Variants in OVCH1 observed in about 807,000 individuals in gnomAD.
The protein encoded by OVCH1 is ovochymase-1.
In OVCH1, 139 loss-of-function variants were observed where a neutral mutation model predicts 138.4. The ratio of observed to expected loss-of-function variants is 1.00; its 90% CI spans 0.87 to 1.16. The LOEUF is 1.16. OVCH1 is among the 50% of genes most tolerant of loss of function. The pLI is 0.00. For missense variants in OVCH1, 1,367 were observed against 1,357.9 expected (o/e 1.01, Z -0.11); for synonymous variants, 453 against 467.8 (o/e 0.97, Z 0.41).
chr12:29,447,019 G>C (rs1018254801), intron 22 of OVCH1, among the ~76,000 whole-genome samples: 6 of 151,728 alleles, frequency 4.0e-5, no homozygotes, highest in Non-Finnish European at 8.8e-5. Flanking sequence ...AATGACAAAG[G>C]AAAGCATTAA....
Position 29,413,499 on chromosome 12 carries a change from G to A in OVCH1, c.*72-774C>T, listed in dbSNP as rs543020047. On this transcript the variant is annotated intron_variant and NMD_transcript_variant, in intron 3 of 4. Coordinates refer to the OVCH1 transcript ENST00000539117. ...ATTTGCAGTACTTTAAACTTTTCAA[G>A]TATTTTTATATCTAATACATATTTT... is the stretch of plus-strand genomic sequence containing the variant. 1.3e-4 allele frequency among the ~76,000 whole-genome samples: 20 copies of A among 152,222 alleles called. No homozygotes were observed. The South Asian group carries it at 4.1e-3, about 32-fold the overall frequency.
chr12:29,451,304 C>G lies in OVCH1; in HGVS notation c.2755+41G>C, dbSNP rs773672975. The G allele has an allele frequency of 4.6e-6, 7 of 1,534,500 alleles. No individual in the cohort carries two copies. The East Asian group carries it at 1.1e-4, about 25-fold the overall frequency. ...CTGATCATAAGCTGCCTACATGGAC[C>G]AAGACTCCTAGCACGAAGTTTATAT... On this transcript the variant is annotated intron_variant, in intron 22 of 27. Coordinates refer to ENST00000318184, the Ensembl canonical transcript of OVCH1.
intron 3 of OVCH1, among the ~76,000 whole-genome samples, chr12:29,421,545 A>G (rs1344380520): frequency 6.6e-6 from 1 of 152,194 alleles, no homozygotes; most frequent in Non-Finnish European, 1.5e-5. Context: ...ATTGCATCTA[A>G]TCATGAAATT....
chr12:29,479,729 C>A (rs571394762), intron 8 of OVCH1, among the ~76,000 whole-genome samples: 2 of 151,914 alleles, frequency 1.3e-5, no homozygotes, highest in Non-Finnish European at 2.9e-5. Flanking sequence ...TAAGGACTTT[C>A]GGAATTAGTC....
At chr12:29,459,071 A>G (rs1942045496) in intron 19 of OVCH1, among the ~76,000 whole-genome samples, 1 of 152,240 alleles carries the variant, frequency 6.6e-6, no homozygotes, top group African/African-American at 2.4e-5. Flanking sequence ...TATACAGAAT[A>G]GTGTGGACAT....
intron 4 of OVCH1, among the ~76,000 whole-genome samples, chr12:29,492,073 AAT>A (rs1555156608): frequency 6.6e-6 from 1 of 152,188 alleles, no homozygotes; most frequent in Non-Finnish European, 1.5e-5. Context: ...GCTATGGAAA[AAT>A]AATAGGATAA....
At chr12:29,449,404 C>T (rs1331713664) in intron 22 of OVCH1, among the ~76,000 whole-genome samples, 2 of 151,498 alleles carry the variant, frequency 1.3e-5, no homozygotes, top group South Asian at 2.1e-4. Context: ...TGAAGAAAGC[C>T]GATGGTAGCT....
intron 22 of OVCH1, among the ~76,000 whole-genome samples, chr12:29,448,358 T>C (rs941367862): frequency 6.6e-6 from 1 of 151,416 alleles, no homozygotes; most frequent in African/African-American, 2.4e-5. Context: ...AGATAATAAG[T>C]GCTCTAAGAA....
At chr12:29,486,972 A>C (rs1042583109) in intron 7 of OVCH1, 1 of 455,204 alleles carries the variant, frequency 2.2e-6, no homozygotes, top group African/African-American at 2.0e-5. Flanking sequence ...TCTAAGACCA[A>C]AGGAGAGTCT....
intron 3 of OVCH1, among the ~76,000 whole-genome samples, chr12:29,413,415 A>G (rs1592020097): frequency 6.6e-6 from 1 of 152,280 alleles, no homozygotes; most frequent in African/African-American, 2.4e-5. Flanking sequence ...ATGACAGTGG[A>G]GAAAATATAA....
In OVCH1 at chr12:29,491,866, G is replaced by A. The variant is rs149105001; in HGVS notation, c.455-674C>T. Among the ~76,000 whole-genome samples, 71 of 152,234 alleles carry A rather than the reference G, an allele frequency of 4.7e-4. No individual in the cohort carries two copies. In the East Asian group the frequency reaches 0.013, roughly 27 times the overall value. On this transcript the variant is annotated intron_variant, in intron 4 of 27. Transcript: ENST00000318184. The stretch of plus-strand genomic sequence containing the variant: ...TCTTGATTTCTCAACAGCAGTAAGC[G>A]AATGTTAGAAGACAGTAGAACAAGA...
At chr12:29,475,071 A>C in exon 14 of OVCH1, 1 of 1,586,112 alleles carries the variant, frequency 6.3e-7, no homozygotes, top group South Asian at 1.1e-5. Flanking sequence ...CTGAGGGCAA[A>C]ATGGTAAATC....
chr12:29,493,871 T>G (rs1031183334), intron 4 of OVCH1, among the ~76,000 whole-genome samples: 1 of 152,260 alleles, frequency 6.6e-6, no homozygotes, highest in Non-Finnish European at 1.5e-5. Context: ...TGCATGTTTC[T>G]GTGCTCGAAT....
rs1941554803 is a variant in OVCH1, at chr12:29,444,128, A to T, written c.3017+17T>A. The stretch of plus-strand genomic sequence containing the variant: ...TTCCACACACTTCTTCCATTATAAT[A>T]ATCATGACTTCCTTACCCCATAGTA... On this transcript the variant is annotated intron_variant, in intron 24 of 27. Transcript: ENST00000318184. 1 of 1,578,994 alleles carries T rather than the reference A, an allele frequency of 6.3e-7. No individual in the cohort carries two copies. Among genetic ancestry groups the T allele is most frequent in the African/African-American group, 1.4e-5 (1 of 72,936 alleles).
At chr12:29,425,637 ACTTG>A (rs1438545266), downstream of OVCH1, among the ~76,000 whole-genome samples, 1 of 152,170 alleles carries the variant, frequency 6.6e-6, no homozygotes, top group Non-Finnish European at 1.5e-5. Context: ...CAGTTTTGTG[ACTTG>A]CTTGTCTCAT....
In OVCH1 at chr12:29,476,769, A is replaced by ATG. The variant is rs1565600638; in HGVS notation, c.1377+332_1377+333insCA. Among the ~76,000 whole-genome samples, 5 of 84,012 alleles carry ATG rather than the reference A, an allele frequency of 6.0e-5. No individual in the cohort carries two copies. In the East Asian group the frequency reaches 1.0e-3, roughly 17 times the overall value. 55.1% of individuals were successfully genotyped at this position (84,012 alleles called of 152,430 possible). On this transcript the variant is annotated intron_variant, in intron 12 of 27. Coordinates refer to ENST00000318184, the Ensembl canonical transcript of OVCH1. ...TACACACGCGCGCACACACACACAC[A>ATG]CACACACACACACACACACACACAC...
intron 27 of OVCH1, among the ~76,000 whole-genome samples, chr12:29,432,510 A>G (rs1941286934): frequency 6.6e-6 from 1 of 152,158 alleles, no homozygotes; most frequent in Non-Finnish European, 1.5e-5. Context: ...GCTTGGAGGC[A>G]GGGGTAGGAA....
chr12:29,407,573 C>G (rs1401163893), downstream of OVCH1, among the ~76,000 whole-genome samples: 1 of 150,910 alleles, frequency 6.6e-6, no homozygotes, highest in African/African-American at 2.4e-5. Context: ...AATCCGTTCC[C>G]CATTGCTTGT....
chr12:29,420,985 GT>G (rs1462840100), intron 3 of OVCH1, among the ~76,000 whole-genome samples: 1 of 152,242 alleles, frequency 6.6e-6, no homozygotes, highest in Non-Finnish European at 1.5e-5. Context: ...TACACCCATT[GT>G]GAGCCCTTGA....
Sources: gnomAD v4.1 joint callset for allele counts (sites outside exome capture counted in the v4.1 genomes callset) on GRCh38, gnomAD v4.1.1 for gene constraint, MANE v1.5 for transcripts, NCBI Gene and HGNC (gene_info 2026-07-23, HGNC 2026-07-21) for gene names.